The following TIMM9 variants were observed in gnomAD, a reference collection of about 807,000 sequenced individuals.
TIMM9 encodes the protein translocase of inner mitochondrial membrane 9.
A neutral mutation model predicts 13.4 loss-of-function variants in TIMM9; 10 were observed. The ratio of observed to expected loss-of-function variants is 0.75; its 90% CI spans 0.46 to 1.26. TIMM9 has a LOEUF of 1.26. TIMM9 is among the 50% of genes most tolerant of loss of function. The probability of loss-of-function intolerance (pLI) is 0.00; values close to 1 mark genes in which losing one functional copy is unlikely to be tolerated. For missense variants in TIMM9, 87 were observed against 100.8 expected (o/e 0.86, Z 0.58); for synonymous variants, 32 against 32.1 (o/e 1.00, Z 0.01).
chr14:58,416,080 C>T (rs568589238), intron 3 of TIMM9, among the ~76,000 whole-genome samples: 33 of 150,162 alleles, frequency 2.2e-4, no homozygotes, highest in Non-Finnish European at 4.7e-4. Flanking sequence ...ATACAAAAAG[C>T]AGCTGGCCGT....
chr14:58,410,780 G>C, intron 5 of TIMM9, 63 bp downstream of exon 5: 1 of 1,119,944 alleles, frequency 8.9e-7, no homozygotes, highest in South Asian at 1.4e-5. Flanking sequence ...AAATGCTTAA[G>C]GGGATCCTAC....
chr14:58,416,474 A>G (rs1223824005), intron 3 of TIMM9, among the ~76,000 whole-genome samples: 1 of 152,182 alleles, frequency 6.6e-6, no homozygotes, highest in South Asian at 2.1e-4. Context: ...GGAGAAATCA[A>G]GACATTCTCA....
chr14:58,414,510 G>C (rs1374695743), intron 3 of TIMM9, among the ~76,000 whole-genome samples: 3 of 152,054 alleles, frequency 2.0e-5, no homozygotes, highest in Non-Finnish European at 4.4e-5. Context: ...GGCTGAGGCA[G>C]GTGGATCACC....
chr14:58,415,184 C>T lies in TIMM9; in HGVS notation c.-26-3213G>A, dbSNP rs377607079. Among the ~76,000 whole-genome samples the T allele has an allele frequency of 2.6e-5, 4 of 152,280 alleles. No homozygotes were observed. The East Asian group carries it at 5.8e-4, about 22-fold the overall frequency. ...TGAGGAAGATGAATTTCTACTTCCA[C>T]CTGGCAGTAATGAAGTGGTACCTCC... On this transcript the variant is annotated intron_variant, in intron 3 of 5. Coordinates refer to ENST00000395159, the MANE Select transcript of TIMM9 (RefSeq NM_012460.4).
chr14:58,415,742 A>C (rs1454322336), intron 3 of TIMM9, among the ~76,000 whole-genome samples: 1 of 152,160 alleles, frequency 6.6e-6, no homozygotes. Context: ...TTGTCTCATT[A>C]GAGTCCAAGA....
Position 58,416,183 on chromosome 14 carries a change from A to G in TIMM9, c.-26-4212T>C, listed in dbSNP as rs191702047. On this transcript the variant is annotated intron_variant, in intron 3 of 5. Coordinates refer to ENST00000395159, the MANE Select transcript of TIMM9 (RefSeq NM_012460.4). ...GCAGAGGTTGCAGTGAGCCAAGATC[A>G]TGTCAGTGCATTCCAGCCTGGGTGA... 2.0e-4 allele frequency among the ~76,000 whole-genome samples: 31 copies of G among 152,214 alleles called. 1 individual carries two copies. The highest frequency in any genetic ancestry group is 1.9e-3 in the Admixed American group (29 of 15,274).
Position 58,424,380 on chromosome 14 carries a change from T to C in TIMM9, c.-114-285A>G, listed in dbSNP as rs532876802. 5.1e-4 allele frequency among the ~76,000 whole-genome samples: 77 copies of C among 152,296 alleles called. 3 individuals carry two copies. The South Asian group carries it at 0.014, about 29-fold the overall frequency. ...TCTGGGAGGGATGGTTCAGAAATCTTAAGAAACTTACATGAGGTCACTTAT... is the reference window on the plus strand; with the variant it reads ...TCTGGGAGGGATGGTTCAGAAATCTCAAGAAACTTACATGAGGTCACTTAT... On this transcript the variant is annotated intron_variant, in intron 2 of 5. Transcript: ENST00000395159.
intron 2 of TIMM9, among the ~76,000 whole-genome samples, chr14:58,425,921 C>T (rs1249667700): frequency 6.6e-6 from 1 of 151,970 alleles, no homozygotes; most frequent in East Asian, 2.0e-4. Context: ...CGAGACCAAC[C>T]TGGCCAACAT....
At chr14:58,422,377 A>G (rs1397345122) in intron 3 of TIMM9, among the ~76,000 whole-genome samples, 2 of 152,122 alleles carry the variant, frequency 1.3e-5, no homozygotes, top group African/African-American at 4.8e-5. Context: ...CGGCCTCCCA[A>G]AGTGCTGGGA....
chr14:58,421,229 G>GA (rs1216144199), intron 3 of TIMM9, among the ~76,000 whole-genome samples: 1 of 152,124 alleles, frequency 6.6e-6, no homozygotes, highest in Non-Finnish European at 1.5e-5. Context: ...TTCTGCTGAG[G>GA]AAAAAAGCCA....
intron 2 of TIMM9, among the ~76,000 whole-genome samples, chr14:58,425,430 G>A (rs1319661199): frequency 6.6e-6 from 1 of 152,000 alleles, no homozygotes; most frequent in Non-Finnish European, 1.5e-5. Flanking sequence ...CCAGCGTGGT[G>A]GCAAGTGCTT....
At chr14:58,415,248 G>C (rs187525201) in intron 3 of TIMM9, among the ~76,000 whole-genome samples, 6 of 152,228 alleles carry the variant, frequency 3.9e-5, no homozygotes, top group Middle Eastern at 3.4e-3. Flanking sequence ...AAAGGAGCCA[G>C]ATAAAATGAT....
At chr14:58,425,876 T>C (rs554402591) in intron 2 of TIMM9, among the ~76,000 whole-genome samples, 1 of 152,228 alleles carries the variant, frequency 6.6e-6, no homozygotes, top group Admixed American at 6.5e-5. Context: ...ACTAGCACTT[T>C]GGTAGGCCGA....
chr14:58,422,611 C>T (rs558450895), intron 3 of TIMM9, among the ~76,000 whole-genome samples: 3 of 152,160 alleles, frequency 2.0e-5, no homozygotes, highest in African/African-American at 7.2e-5. Context: ...TATTAATATA[C>T]ATTACTTAAA....
intron 5 of TIMM9, among the ~76,000 whole-genome samples, chr14:58,410,193 C>A (rs755948336): frequency 4.1e-4 from 63 of 152,182 alleles, no homozygotes; most frequent in Non-Finnish European, 9.0e-4. Flanking sequence ...CACCTCAGCT[C>A]CCGAGTAGCT....
At chr14:58,409,703 C>G (rs1005320715) in intron 5 of TIMM9, among the ~76,000 whole-genome samples, 3 of 151,948 alleles carry the variant, frequency 2.0e-5, no homozygotes, top group Non-Finnish European at 4.4e-5. Flanking sequence ...CTCAGCATCC[C>G]GAGTAGCTGG....
At chr14:58,413,475 T>C (rs1408156794) in intron 3 of TIMM9, among the ~76,000 whole-genome samples, 1 of 152,204 alleles carries the variant, frequency 6.6e-6, no homozygotes, top group Non-Finnish European at 1.5e-5. Flanking sequence ...ACACATTCTC[T>C]AGTTCAAAAA....
At chr14:58,416,325 A>C (rs1451386620) in intron 3 of TIMM9, among the ~76,000 whole-genome samples, 3 of 152,220 alleles carry the variant, frequency 2.0e-5, no homozygotes, top group Non-Finnish European at 4.4e-5. Context: ...GTAGGGGTAA[A>C]ACCATTAGGA....
chr14:58,412,900 C>G (rs2036267018), intron 3 of TIMM9, among the ~76,000 whole-genome samples: 1 of 151,704 alleles, frequency 6.6e-6, no homozygotes. Flanking sequence ...GACTCCATCT[C>G]AAATAATAAT....
Sources: allele counts gnomAD v4.1 joint callset (sites outside exome capture counted in the v4.1 genomes callset), GRCh38; gene constraint gnomAD v4.1.1; transcripts MANE v1.5; gene names NCBI Gene and HGNC (gene_info 2026-07-23, HGNC 2026-07-21).